The following TIMP3 variants were observed in gnomAD, a reference collection of about 807,000 sequenced individuals.
TIMP3 encodes TIMP metallopeptidase inhibitor 3, also known as metalloproteinase inhibitor 3.
In TIMP3, 11 loss-of-function variants were observed where a neutral mutation model predicts 30.0. The observed-to-expected ratio is 0.37, with a 90% CI of 0.23 to 0.61. The LOEUF (loss-of-function observed/expected upper bound fraction) is 0.61, where lower values mean the gene tolerates loss of function less well. Among genes scored for constraint, TIMP3 ranks in the 20% least tolerant of loss-of-function variants. The probability of loss-of-function intolerance (pLI) is 0.70; values close to 1 mark genes in which losing one functional copy is unlikely to be tolerated. For synonymous variants in TIMP3, 112 were observed against 111.3 expected (o/e 1.01, Z -0.04); for missense variants, 181 against 276.8 (o/e 0.65, Z 2.45).
chr22:32,853,429 G>A (rs551132019), intron 2 of TIMP3, among the ~76,000 whole-genome samples: 1 of 152,322 alleles, frequency 6.6e-6, no homozygotes, highest in Admixed American at 6.5e-5. Context: ...AATCATTGAG[G>A]CAACTCATGC....
At chr22:32,841,532 G>C (rs2047901947) in intron 1 of TIMP3, among the ~76,000 whole-genome samples, 1 of 152,156 alleles carries the variant, frequency 6.6e-6, no homozygotes, top group African/African-American at 2.4e-5. Context: ...CGGGTGCAGG[G>C]AAGGCCTGTT....
At position 32,837,117 on chromosome 22, in the gene TIMP3, T is replaced by C. The variant is rs1265463457; in HGVS notation, c.122-12335T>C. On this transcript the variant is annotated intron_variant, in intron 1 of 4. Transcript: ENST00000266085. This position sits in a 1 kb window ranked among gnomAD's most constrained non-coding sequence, Gnocchi z 4.1. ...AAAATAAAATGCTATAGATGGCTCC[T>C]GAGATGTTGCCAGCTGTTTGGGCTT... Among the ~76,000 whole-genome samples the C allele has an allele frequency of 2.2e-4, 33 of 152,196 alleles. No individual in the cohort carries two copies. Among genetic ancestry groups the C allele is most frequent in the Non-Finnish European group, 4.7e-4 (32 of 68,046 alleles).
chr22:32,852,368 G>C (rs1284350960), intron 2 of TIMP3, among the ~76,000 whole-genome samples: 2 of 152,182 alleles, frequency 1.3e-5, no homozygotes, highest in Admixed American at 6.5e-5. Context: ...GTCAGTTTGG[G>C]TTTGTTGGTT....
chr22:32,854,234 G>A (rs957155978), intron 2 of TIMP3, among the ~76,000 whole-genome samples: 17 of 152,198 alleles, frequency 1.1e-4, no homozygotes, highest in African/African-American at 4.1e-4. Context: ...ACAGCGCTAT[G>A]TTTGTCAGAG....
Position 32,801,940 on chromosome 22 carries a change from C to T in TIMP3, c.-62C>T. 2 of 1,528,378 alleles carry T rather than the reference C, an allele frequency of 1.3e-6. No homozygotes were observed. Among genetic ancestry groups the T allele is most frequent in the East Asian group, 2.5e-5 (1 of 39,534 alleles). 94.7% of individuals were successfully genotyped at this position (1,528,378 alleles called of 1,614,324 possible). A position where few individuals can be genotyped will look rare whatever the true frequency, so the allele number is the denominator to read the frequency against. ...GCTCGGGCTGCAGCAGCCCCGCCGG[C>T]GGCGCGCACGGCAACTTTGGAGAGG... On this transcript the variant is annotated 5_prime_UTR_variant, in exon 1 of 5. Transcript: ENST00000266085. The surrounding 1 kb of genome is among the most constrained non-coding windows in gnomAD (Gnocchi z 4.7).
chr22:32,824,296 A>G (rs930112626), intron 1 of TIMP3, among the ~76,000 whole-genome samples: 2 of 149,394 alleles, frequency 1.3e-5, no homozygotes, highest in Non-Finnish European at 1.5e-5. Context: ...AAAAAAATAC[A>G]GTGCCATCTC....
chr22:32,853,171 G>A (rs1411782890), intron 2 of TIMP3, among the ~76,000 whole-genome samples: 1 of 152,202 alleles, frequency 6.6e-6, no homozygotes, highest in African/African-American at 2.4e-5. Context: ...AGCCCACAGG[G>A]AACCATTCTT....
intron 1 of TIMP3, among the ~76,000 whole-genome samples, chr22:32,808,407 G>A (rs980870424): frequency 6.6e-6 from 1 of 152,204 alleles, no homozygotes; most frequent in Non-Finnish European, 1.5e-5. Context: ...ATGGACTGCC[G>A]AGAGGGAGGC....
intron 1 of TIMP3, among the ~76,000 whole-genome samples, chr22:32,826,567 CAG>C (rs1399726378): frequency 6.6e-6 from 1 of 152,164 alleles, no homozygotes; most frequent in Admixed American, 6.5e-5. Context: ...CTGCATTGTA[CAG>C]ATGACAGGCA....
intron 1 of TIMP3, among the ~76,000 whole-genome samples, chr22:32,824,699 C>T (rs1351591719): frequency 6.6e-6 from 1 of 152,128 alleles, no homozygotes; most frequent in Non-Finnish European, 1.5e-5. Flanking sequence ...TATGATGACT[C>T]CCTTCATAGG....
chr22:32,805,842 A>G (rs908027462), intron 1 of TIMP3, among the ~76,000 whole-genome samples: 1 of 152,154 alleles, frequency 6.6e-6, no homozygotes, highest in Non-Finnish European at 1.5e-5. Context: ...GATGGTTAAC[A>G]TTTGAAGAAT....
chr22:32,828,959 G>C (rs1468576921), intron 1 of TIMP3, among the ~76,000 whole-genome samples: 1 of 152,106 alleles, frequency 6.6e-6, no homozygotes, highest in African/African-American at 2.4e-5. Context: ...AGGATCTTGG[G>C]TACATTGGTC....
Position 32,859,399 on chromosome 22 carries a change from C to T in TIMP3, c.*22C>T. ...CTGAGCGCCAGACCCTGCCCCACCT[C>T]ACTTCCCTCCCTTCCCGCTGAGCTT... On this transcript the variant is annotated 3_prime_UTR_variant, in exon 5 of 5. Transcript: ENST00000266085. 1.2e-6 allele frequency: 2 copies of T among 1,601,276 alleles called. No individual in the cohort carries two copies. The highest frequency in any genetic ancestry group is 1.3e-5 in the African/African-American group (1 of 74,950).
intron 1 of TIMP3, among the ~76,000 whole-genome samples, chr22:32,833,381 G>T (rs141534719): frequency 3.5e-4 from 53 of 152,274 alleles, no homozygotes; most frequent in Admixed American, 2.5e-3. Flanking sequence ...ATGTCACCTA[G>T]GTGGGAGAAA....
intron 1 of TIMP3, among the ~76,000 whole-genome samples, chr22:32,811,564 C>T (rs1012997505): frequency 2.6e-5 from 4 of 152,162 alleles, no homozygotes; most frequent in African/African-American, 4.8e-5. Context: ...CACAGTGCTT[C>T]CCACAGGGCA....
intron 1 of TIMP3, among the ~76,000 whole-genome samples, chr22:32,810,262 T>C (rs1005132767): frequency 2.1e-4 from 32 of 152,202 alleles, no homozygotes; most frequent in African/African-American, 7.7e-4. Context: ...TTAGAGGCCA[T>C]CTGTGTGGCT....
intron 1 of TIMP3, among the ~76,000 whole-genome samples, chr22:32,813,335 T>C (rs1169774575): frequency 6.6e-6 from 1 of 152,162 alleles, no homozygotes; most frequent in Non-Finnish European, 1.5e-5. Flanking sequence ...TGGCAGTAAC[T>C]GTGGTGAACC....
At chr22:32,807,355 A>T (rs12158804) in intron 1 of TIMP3, among the ~76,000 whole-genome samples, 15 of 19,896 alleles carry the variant, frequency 7.5e-4, no homozygotes, top group African/African-American at 2.0e-3. Flanking sequence ...ATAAATATAT[A>T]ATATATAATA....
intron 2 of TIMP3, among the ~76,000 whole-genome samples, chr22:32,850,237 CT>C (rs1285106758): frequency 6.6e-6 from 1 of 151,790 alleles, no homozygotes; most frequent in East Asian, 1.9e-4. Context: ...GAGAACCTGC[CT>C]CCTAGTCTCA....
Sources: allele counts gnomAD v4.1 joint callset (sites outside exome capture counted in the v4.1 genomes callset), GRCh38; gene constraint gnomAD v4.1.1; non-coding constraint Gnocchi (gnomAD v3.1); transcripts MANE v1.5; gene names NCBI Gene and HGNC (gene_info 2026-07-23, HGNC 2026-07-21).